MFSD12: variants seen among roughly 807,000 people sequenced by gnomAD.
MFSD12 encodes the protein major facilitator superfamily domain containing 12, also known as major facilitator superfamily domain-containing protein 12.
MFSD12 carries 67 observed loss-of-function variants against 51.2 expected under a neutral mutation model. The observed-to-expected ratio is 1.31, with a 90% CI of 1.08 to 1.60. The LOEUF (loss-of-function observed/expected upper bound fraction) is 1.60. MFSD12 is among the 40% of genes most tolerant of loss of function. The pLI, the probability that MFSD12 is intolerant of heterozygous loss-of-function variation, is 0.00. For missense variants in MFSD12, 921 were observed against 673.0 expected, an observed-to-expected ratio of 1.37 and a Z score of -4.08; for synonymous variants, 441 against 316.7, an observed-to-expected ratio of 1.39 and a Z score of -4.17.
At position 3,544,818 on chromosome 19, in the gene MFSD12, G is replaced by A. The variant is rs745385275; in HGVS notation, c.1411C>T (p.Leu471=). 1.2e-6 allele frequency: 2 copies of A among 1,612,406 alleles called. No individual in the cohort carries two copies. The highest frequency in any genetic ancestry group is 1.7e-6 in the Non-Finnish European group (2 of 1,179,490). The change falls in exon 9 of 10, where the codon CTG becomes TTG. Residue 471 remains leucine, a synonymous_variant. Coordinates refer to ENST00000355415, the MANE Select transcript of MFSD12 (RefSeq NM_174983.5). The part of the protein sequence containing the change: ...LCSLLLWPTR[L]RRWDRDARP ...GTGGGCCAGGACTCACAGCGTCGCAGGCGGGTCGGCCACAGCAGGAGGCTA... is the reference window on the plus strand; with the variant it reads ...GTGGGCCAGGACTCACAGCGTCGCAAGCGGGTCGGCCACAGCAGGAGGCTA...
chr19:3,550,892 C>G lies in MFSD12; in HGVS notation c.509+92G>C. On this transcript the variant is annotated intron_variant, in intron 2 of 9. Coordinates refer to ENST00000355415, the MANE Select transcript of MFSD12 (RefSeq NM_174983.5). ...GAAAGACTGCCTGGTCTCGAGCTGCCGAGTCTGTGGCCGCTCATTATGCAG... is the reference window on the plus strand; with the variant it reads ...GAAAGACTGCCTGGTCTCGAGCTGCGGAGTCTGTGGCCGCTCATTATGCAG... 4 of 1,072,184 alleles carry G rather than the reference C, an allele frequency of 3.7e-6. No homozygotes were observed. In the South Asian group the frequency reaches 4.3e-5, roughly 12 times the overall value. The allele number at this position is 1,072,184 out of a possible 1,614,324, so 66.4% of individuals were successfully genotyped here. A position where few individuals can be genotyped will look rare whatever the true frequency, so the allele number is the denominator to read the frequency against.
Position 3,548,158 on chromosome 19 carries a change from C to T in MFSD12, c.619G>A (p.Asp207Asn), listed in dbSNP as rs760775384. Reference sequence around the variant, plus strand: ...GGCACGTCCTGGCCCCCCAGCTGGTCGCTGATGCTGATGTCTTGGGTGGGC... The same window carrying T: ...GGCACGTCCTGGCCCCCCAGCTGGTTGCTGATGCTGATGTCTTGGGTGGGC... ...VEPTQDISIS[D>N]QLGGQDVPVF... Residue 207 changes from aspartate (D) to asparagine (N), a missense_variant, in exon 3 of 10, where the codon GAC (aspartate) becomes AAC (asparagine). Physicochemically the swap from Asp to Asn is conservative, Grantham distance 23. Coordinates refer to ENST00000355415, the MANE Select transcript of MFSD12 (RefSeq NM_174983.5). 28 of 1,603,180 alleles carry T rather than the reference C, an allele frequency of 1.7e-5. No individual in the cohort carries two copies. The highest frequency in any genetic ancestry group is 5.1e-5 in the Admixed American group (3 of 59,024).
chr19:3,546,030 C>CTCTT, intron 8 of MFSD12, 44 bp downstream of exon 8: 1 of 1,601,578 alleles, frequency 6.2e-7, no homozygotes, highest in Non-Finnish European at 8.5e-7. Flanking sequence ...GCTTAATCCC[C>CTCTT]TCTTACTGAA....
At chr19:3,555,548 C>T (rs938354361) in intron 1 of MFSD12, among the ~76,000 whole-genome samples, 1 of 152,240 alleles carries the variant, frequency 6.6e-6, no homozygotes, top group Non-Finnish European at 1.5e-5. Flanking sequence ...CTGCCGCCGC[C>T]TCAGGTACCC....
intron 4 of MFSD12, chr19:3,538,850 C>G: frequency 1.7e-6 from 1 of 572,148 alleles, no homozygotes; most frequent in Non-Finnish European, 3.4e-6. Context: ...GCACTGCCTC[C>G]TGCGATCGAA....
At chr19:3,542,417 G>A (rs1004882402), downstream of MFSD12, 15 of 985,260 alleles carry the variant, frequency 1.5e-5, no homozygotes, top group African/African-American at 2.4e-4. Context: ...TTTCTGGGAT[G>A]ACTTCCTTGG....
chr19:3,547,227 C>A, intron 6 of MFSD12, 45 bp downstream of exon 6: 1 of 1,537,558 alleles, frequency 6.5e-7, no homozygotes, highest in Non-Finnish European at 9.0e-7. Flanking sequence ...GGCTGCAGGG[C>A]ACCCCATCCT....
At chr19:3,550,895 G>C (rs1429840000) in intron 2 of MFSD12, 89 bp downstream of exon 2, 1 of 1,108,612 alleles carries the variant, frequency 9.0e-7, no homozygotes, top group East Asian at 2.6e-5. Flanking sequence ...GAGCTGCCGA[G>C]TCTGTGGCCG....
At chr19:3,542,488 T>A, downstream of MFSD12, 3 of 983,560 alleles carry the variant, frequency 3.1e-6, no homozygotes, top group Non-Finnish European at 3.6e-6. Flanking sequence ...GTCTTTTTGT[T>A]TTTGAGACAG....
chr19:3,545,207 C>T (rs1208840658), intron 8 of MFSD12, among the ~76,000 whole-genome samples: 6 of 152,230 alleles, frequency 3.9e-5, no homozygotes, highest in Admixed American at 3.9e-4. Context: ...CCTGCACCCG[C>T]CCCGGTCCCA....
chr19:3,542,267 C>T (rs899343537), downstream of MFSD12: 6 of 985,310 alleles, frequency 6.1e-6, no homozygotes, highest in Non-Finnish European at 7.2e-6. Flanking sequence ...CCAGGCTACT[C>T]CCATGTTCTG....
chr19:3,542,266 T>A, downstream of MFSD12: 1 of 985,418 alleles, frequency 1.0e-6, no homozygotes, highest in Non-Finnish European at 1.2e-6. Flanking sequence ...ACCAGGCTAC[T>A]CCCATGTTCT....
Position 3,544,970 on chromosome 19 carries a change from C to T in MFSD12, c.1290-31G>A, listed in dbSNP as rs376963329. ...GGAGGAGGCGGGGGATGAGTAGGCA[C>T]CGCGGGTACCACCCCCCCGCCACCC... On this transcript the variant is annotated intron_variant, in intron 8 of 9. Coordinates refer to ENST00000355415, the MANE Select transcript of MFSD12 (RefSeq NM_174983.5). 1.2e-3 allele frequency: 1,962 copies of T among 1,580,606 alleles called. 3 individuals carry two copies. The highest frequency in any genetic ancestry group is 1.6e-3 in the Non-Finnish European group (1,870 of 1,166,290).
intron 6 of MFSD12, 129 bp downstream of exon 6, chr19:3,547,143 C>G (rs978192327): frequency 9.7e-6 from 8 of 826,972 alleles, no homozygotes; most frequent in Non-Finnish European, 1.2e-5. Context: ...CGGCCTAGAT[C>G]TGGGGCTTCT....
chr19:3,546,500 A>AC (rs2031068591), intron 6 of MFSD12, 75 bp from the exon 7 acceptor site: 1 of 1,483,466 alleles, frequency 6.7e-7, no homozygotes, highest in South Asian at 1.3e-5. Flanking sequence ...CGCCACCCCT[A>AC]CCCCCAACCC....
chr19:3,543,023 AT>A, downstream of MFSD12: 1 of 1,605,346 alleles, frequency 6.2e-7, no homozygotes, highest in Non-Finnish European at 8.5e-7. Context: ...TTGGGGTGCG[AT>A]GTGTGGGGAG....
At position 3,547,467 on chromosome 19, in the gene MFSD12, G is replaced by T. The variant is rs766816748; in HGVS notation, c.918C>A (p.Leu306=). 2 of 1,613,126 alleles carry T rather than the reference G, an allele frequency of 1.2e-6. No individual in the cohort carries two copies. Among genetic ancestry groups the T allele is most frequent in the South Asian group, 1.1e-5 (1 of 91,064 alleles). ...CCAATCTGCTCACCTTGGGCAGGTG[G>T]AGCGAGTAGGTGAGGTACATGGCCA... ...TYMAMYLTYS[L]HLPKKFIATI... Residue 306 remains leucine, a synonymous_variant, in exon 5 of 10, where the codon CTC becomes CTA. Coordinates refer to ENST00000355415, the MANE Select transcript of MFSD12 (RefSeq NM_174983.5).
chr19:3,548,683 T>C (rs943225431), intron 2 of MFSD12, among the ~76,000 whole-genome samples: 14 of 146,016 alleles, frequency 9.6e-5, no homozygotes, highest in African/African-American at 3.6e-4. Flanking sequence ...AGGCACAGAG[T>C]CCCCCGGGGG....
At chr19:3,543,167 A>G, downstream of MFSD12, 1 of 1,519,560 alleles carries the variant, frequency 6.6e-7, no homozygotes, top group African/African-American at 1.4e-5. Context: ...ACCCTGGCAG[A>G]CATCGCAAAG....
Sources: allele counts gnomAD v4.1 joint callset (sites outside exome capture counted in the v4.1 genomes callset), GRCh38; gene constraint gnomAD v4.1.1; transcripts MANE v1.5; gene names NCBI Gene and HGNC (gene_info 2026-07-23, HGNC 2026-07-21).